Variants in SLIRP observed in about 807,000 individuals in gnomAD.
SLIRP encodes the protein SRA stem-loop interacting RNA binding protein, also known as SRA stem-loop-interacting RNA-binding protein, mitochondrial.
In SLIRP, 12 loss-of-function variants were observed where a neutral mutation model predicts 13.4. That is an observed-to-expected ratio of 0.89 (90% CI 0.57 to 1.45). SLIRP has a LOEUF of 1.45. Among genes scored for constraint, SLIRP ranks in the 40% most tolerant of loss-of-function variants. The pLI, the probability that SLIRP is intolerant of heterozygous loss-of-function variation, is 0.00. For synonymous variants in SLIRP, 55 were observed against 47.1 expected (o/e 1.17, Z -0.69); for missense variants, 154 against 132.2 (o/e 1.17, Z -0.81).
Position 77,717,543 on chromosome 14 carries a change from T to C in SLIRP, c.312T>C (p.Asp104=), listed in dbSNP as rs141292990. 4.3e-6 allele frequency: 7 copies of C among 1,614,014 alleles called. No individual in the cohort carries two copies. Among genetic ancestry groups the C allele is most frequent in the Non-Finnish European group, 5.9e-6 (7 of 1,179,916 alleles). Reference sequence around the variant, plus strand: ...CAAAACTTCCGCAAACATCTGATGATGAAAAGAAAGATTTTTGAGACTGCA... The same window carrying C: ...CAAAACTTCCGCAAACATCTGATGACGAAAAGAAAGATTTTTGAGACTGCA... The part of the protein sequence containing the change: ...RRPKLPQTSD[D]EKKDF Residue 104 remains aspartate (D), a synonymous_variant, in exon 4 of 4, where the codon GAT becomes GAC. Coordinates refer to ENST00000557342, the MANE Select transcript of SLIRP (RefSeq NM_031210.6).
Position 77,708,130 on chromosome 14 carries a change from A to T in SLIRP, c.19A>T (p.Arg7Ter), listed in dbSNP as rs11159286. Residue 7 changes from arginine (R) to a stop codon, truncating the protein, a stop_gained, in exon 1 of 4, where the codon AGA becomes TGA. Transcript: ENST00000557342. LOFTEE classifies it high-confidence loss of function. MAASAA[R>*]GAAALRRSIN... ...TCTGAAGATGGCGGCCTCAGCAGCGAGAGGTGCTGCGGCGCTGCGTAGAAG... is the reference window on the plus strand; with the variant it reads ...TCTGAAGATGGCGGCCTCAGCAGCGTGAGGTGCTGCGGCGCTGCGTAGAAG... 8 of 1,613,966 alleles carry T rather than the reference A, an allele frequency of 5.0e-6. No individual in the cohort carries two copies. Among genetic ancestry groups the T allele is most frequent in the African/African-American group, 4.0e-5 (3 of 74,884 alleles).
At chr14:77,708,081 C>T, upstream of SLIRP, 1 of 1,611,118 alleles carries the variant, frequency 6.2e-7, no homozygotes, top group Non-Finnish European at 8.5e-7. Context: ...GGGGCCGCGA[C>T]CTCGGCTCGA....
intron 3 of SLIRP, 87 bp downstream of exon 3, chr14:77,715,966 G>C (rs2080474358): frequency 9.8e-7 from 1 of 1,016,920 alleles, no homozygotes; most frequent in Admixed American, 2.1e-5. Context: ...CATAAATGTG[G>C]AATGATGGGG....
chr14:77,715,884 A>C lies in SLIRP; in HGVS notation c.264+5A>C. 3.8e-6 allele frequency: 6 copies of C among 1,592,252 alleles called. No individual in the cohort carries two copies. Among genetic ancestry groups the C allele is most frequent in the Non-Finnish European group, 4.3e-6 (5 of 1,160,518 alleles). ...CATATTATAGATGGAGTAAAGGTAA[A>C]TTTATTTCTATGCCAGATACATACA... On this transcript the variant is annotated splice_donor_5th_base_variant and intron_variant, in intron 3 of 3. Transcript: ENST00000557342.
At chr14:77,714,928 G>A (rs890371800) in intron 2 of SLIRP, among the ~76,000 whole-genome samples, 5 of 152,172 alleles carry the variant, frequency 3.3e-5, no homozygotes, top group African/African-American at 4.8e-5. Context: ...TCTGTTTTCC[G>A]TATGCGATGT....
intron 3 of SLIRP, chr14:77,716,302 G>A (rs377659727): frequency 7.0e-4 from 102 of 145,012 alleles, no homozygotes; most frequent in African/African-American, 2.6e-3. Context: ...GGGCGATAGC[G>A]AGACTCCATC....
chr14:77,708,374 G>T (rs1263617612), intron 1 of SLIRP, among the ~76,000 whole-genome samples, 166 bp downstream of exon 1: 1 of 152,218 alleles, frequency 6.6e-6, no homozygotes, highest in East Asian at 1.9e-4. Flanking sequence ...ACCGTTTAGG[G>T]ATGTCCCTTG....
At chr14:77,714,632 G>A (rs973004453) in intron 2 of SLIRP, among the ~76,000 whole-genome samples, 6 of 152,326 alleles carry the variant, frequency 3.9e-5, no homozygotes, top group East Asian at 1.9e-4. Context: ...GCCTTTGACT[G>A]TGGAAGTGGT....
In SLIRP at chr14:77,708,134, G is replaced by C. The variant is rs944185706; in HGVS notation, c.23G>C (p.Gly8Ala). The change falls in exon 1 of 4, where the codon GGT becomes GCT. Residue 8 changes from glycine to alanine, a missense_variant. Coordinates refer to ENST00000557342, the MANE Select transcript of SLIRP (RefSeq NM_031210.6). ...AAGATGGCGGCCTCAGCAGCGAGAG[G>C]TGCTGCGGCGCTGCGTAGAAGTATC... MAASAAR[G>A]AAALRRSINQ... The C allele has an allele frequency of 1.2e-6, 2 of 1,614,114 alleles. No homozygotes were observed. The highest frequency in any genetic ancestry group is 8.5e-7 in the Non-Finnish European group (1 of 1,179,982).
intron 2 of SLIRP, among the ~76,000 whole-genome samples, chr14:77,711,207 A>T (rs936945405): frequency 1.4e-5 from 2 of 144,826 alleles, no homozygotes; most frequent in East Asian, 1.9e-4. Flanking sequence ...ATACATATTT[A>T]TATATATAAA....
In SLIRP at chr14:77,711,240, AATATATAAAT is replaced by A. The variant is rs1287379306; in HGVS notation, c.156+360_156+369del. ...AAATATATAAATATATACACCTAAT[AATATATAAAT>A]ATATATAAATATATACCCAAATAAA... is the stretch of plus-strand genomic sequence containing the variant. On this transcript the variant is annotated intron_variant, in intron 2 of 3. Transcript: ENST00000557342. 1.4e-4 allele frequency among the ~76,000 whole-genome samples: 20 copies of A among 147,968 alleles called. No homozygotes were observed. The South Asian group carries it at 3.5e-3, about 26-fold the overall frequency.
chr14:77,714,393 T>C (rs176952), intron 2 of SLIRP, among the ~76,000 whole-genome samples: 124,902 of 152,164 alleles, frequency 0.82, 51,388 homozygotes, highest in Middle Eastern at 0.86. Context: ...CGCTGCCTCC[T>C]GGGTTCAAGT....
chr14:77,715,923 G>T, intron 3 of SLIRP, 44 bp downstream of exon 3: 2 of 1,321,186 alleles, frequency 1.5e-6, no homozygotes, highest in Non-Finnish European at 2.2e-6. Flanking sequence ...TATACATGTA[G>T]GTACTATTTA....
intron 1 of SLIRP, among the ~76,000 whole-genome samples, chr14:77,708,432 T>C (rs1425972508): frequency 1.3e-5 from 2 of 152,214 alleles, no homozygotes; most frequent in Non-Finnish European, 2.9e-5. Context: ...AGGAGTGATT[T>C]GGTGTAAAGA....
At chr14:77,714,468 T>G (rs1029972329) in intron 2 of SLIRP, among the ~76,000 whole-genome samples, 1 of 152,202 alleles carries the variant, frequency 6.6e-6, no homozygotes, top group African/African-American at 2.4e-5. Context: ...ACCCAGCTAA[T>G]TTTTGTATTT....
chr14:77,716,971 G>T (rs1264169566), intron 3 of SLIRP, among the ~76,000 whole-genome samples: 2 of 151,974 alleles, frequency 1.3e-5, no homozygotes, highest in African/African-American at 2.4e-5. Context: ...CATCATGTTG[G>T]TCAGGCTGGT....
intron 1 of SLIRP, among the ~76,000 whole-genome samples, chr14:77,709,329 TCTAA>T (rs1255434593): frequency 1.3e-5 from 2 of 152,230 alleles, no homozygotes; most frequent in African/African-American, 4.8e-5. Flanking sequence ...TTTAGTTTCT[TCTAA>T]GTTTTTAGTG....
In SLIRP at chr14:77,717,363, C is replaced by A. The variant is rs176959; in HGVS notation, c.265-133C>A. 1.2e-5 allele frequency: 9 copies of A among 742,304 alleles called. No individual in the cohort carries two copies. In the African/African-American group the frequency reaches 1.4e-4, roughly 12 times the overall value. The allele number at this position is 742,304 out of a possible 1,614,324, so 46.0% of individuals were successfully genotyped here. A position where few individuals can be genotyped will look rare whatever the true frequency, so the allele number is the denominator to read the frequency against. ...TGGTAAAAGGAATTTGAGGAGAAAA[C>A]GAAAGAACAAGGGACAAATAAAAAC... On this transcript the variant is annotated intron_variant, in intron 3 of 3. Transcript: ENST00000557342.
At chr14:77,708,271 C>T (rs913016967) in intron 1 of SLIRP, 63 bp downstream of exon 1, 1 of 1,539,322 alleles carries the variant, frequency 6.5e-7, no homozygotes. Flanking sequence ...AAAGCTTCTG[C>T]TTTTTGCAGG....
Sources: allele counts gnomAD v4.1 joint callset (sites outside exome capture counted in the v4.1 genomes callset), GRCh38; gene constraint gnomAD v4.1.1; transcripts MANE v1.5; gene names NCBI Gene and HGNC (gene_info 2026-07-23, HGNC 2026-07-21).